GALNT13: variants seen among roughly 807,000 people sequenced by gnomAD.
GALNT13 encodes the protein polypeptide N-acetylgalactosaminyltransferase 13.
In GALNT13, 28 loss-of-function variants were observed where a neutral mutation model predicts 64.2. That is an observed-to-expected ratio of 0.44 (90% CI 0.32 to 0.60). The LOEUF (loss-of-function observed/expected upper bound fraction) is 0.60. Among genes scored for constraint, GALNT13 ranks in the 20% least tolerant of loss-of-function variants. The pLI is 0.05. For synonymous variants in GALNT13, 214 were observed against 224.6 expected, an observed-to-expected ratio of 0.95 and a Z score of 0.42; for missense variants, 577 against 669.8, an observed-to-expected ratio of 0.86 and a Z score of 1.53.
chr2:153,650,075 C>T, the GALNT13 span, among the ~76,000 whole-genome samples: 1 of 152,068 alleles, frequency 6.6e-6, no homozygotes, highest in Non-Finnish European at 1.5e-5. Flanking sequence ...GTTAAAGTTT[C>T]CCATTATTAT....
the GALNT13 span, among the ~76,000 whole-genome samples, chr2:153,461,850 G>A: frequency 1.3e-5 from 2 of 152,232 alleles, no homozygotes; most frequent in East Asian, 1.9e-4. Flanking sequence ...TTCGCATTTT[G>A]TGAGCTCCTA....
At chr2:153,249,108 C>T in the GALNT13 span, among the ~76,000 whole-genome samples, 516 of 152,324 alleles carry the variant, frequency 3.4e-3, 3 homozygotes, top group African/African-American at 0.012. Context: ...TTGCAGCTGA[C>T]ATAATTCCAT....
intron 3 of GALNT13, among the ~76,000 whole-genome samples, chr2:154,034,010 C>T (rs910142743): frequency 6.6e-6 from 1 of 152,040 alleles, no homozygotes; most frequent in African/African-American, 2.4e-5. Flanking sequence ...CTGGAGCCCT[C>T]AGACATTGCT....
chr2:154,350,260 G>A (rs547563291), intron 9 of GALNT13, among the ~76,000 whole-genome samples: 2 of 152,254 alleles, frequency 1.3e-5, no homozygotes, highest in Admixed American at 6.5e-5. Flanking sequence ...TGGACTGGGC[G>A]AGGCAGACCC....
At chr2:154,058,958 T>C (rs983065277) in intron 3 of GALNT13, among the ~76,000 whole-genome samples, 33 of 152,172 alleles carry the variant, frequency 2.2e-4, no homozygotes, top group African/African-American at 7.7e-4. Flanking sequence ...AAGGCTATTA[T>C]AGTAATCCAG....
intron 8 of GALNT13, among the ~76,000 whole-genome samples, chr2:154,260,211 C>T (rs1431434337): frequency 6.6e-6 from 1 of 152,018 alleles, no homozygotes; most frequent in African/African-American, 2.4e-5. Flanking sequence ...TGAAACATTC[C>T]ATCTTCGCCC....
At chr2:153,575,739 C>G in the GALNT13 span, among the ~76,000 whole-genome samples, 1 of 151,316 alleles carries the variant, frequency 6.6e-6, no homozygotes, top group Non-Finnish European at 1.5e-5. Context: ...GGGACTCACC[C>G]TTTGGGACAG....
At chr2:154,009,850 G>GTA (rs1407720730) in intron 3 of GALNT13, among the ~76,000 whole-genome samples, 4 of 152,124 alleles carry the variant, frequency 2.6e-5, no homozygotes, top group African/African-American at 9.7e-5. Context: ...GCAGGGTTTT[G>GTA]TAACGCTTGT....
At chr2:153,576,522 T>C in the GALNT13 span, among the ~76,000 whole-genome samples, 1 of 152,200 alleles carries the variant, frequency 6.6e-6, no homozygotes, top group African/African-American at 2.4e-5. Context: ...GTTTTCCTTT[T>C]TCCTCTATTA....
the GALNT13 span, among the ~76,000 whole-genome samples, chr2:153,383,023 ATAAT>A: frequency 1.3e-5 from 2 of 152,124 alleles, no homozygotes; most frequent in South Asian, 4.1e-4. Context: ...GAATATTTAA[ATAAT>A]TCTTTTTTAA....
chr2:153,878,225 G>C (rs1453538890), intron 1 of GALNT13, among the ~76,000 whole-genome samples: 1 of 152,102 alleles, frequency 6.6e-6, no homozygotes, highest in Non-Finnish European at 1.5e-5. Context: ...ATAAATAATA[G>C]TTATTTAAAG....
the GALNT13 span, among the ~76,000 whole-genome samples, chr2:153,759,213 T>C: frequency 2.6e-5 from 4 of 152,132 alleles, no homozygotes; most frequent in South Asian, 8.3e-4. Context: ...AGTCTTTAGG[T>C]TTTCATACAT....
chr2:153,080,690 C>G, the GALNT13 span, among the ~76,000 whole-genome samples: 1 of 152,044 alleles, frequency 6.6e-6, no homozygotes, highest in Non-Finnish European at 1.5e-5. Flanking sequence ...TCCGCTTGAT[C>G]TTTCTTGGAT....
the GALNT13 span, among the ~76,000 whole-genome samples, chr2:153,772,665 A>G: frequency 6.6e-6 from 1 of 152,138 alleles, no homozygotes; most frequent in Admixed American, 6.5e-5. Context: ...GGGGAAAAAA[A>G]GGTTTTATTA....
intron 8 of GALNT13, among the ~76,000 whole-genome samples, chr2:154,274,160 G>T (rs961518050): frequency 6.6e-6 from 1 of 152,014 alleles, no homozygotes; most frequent in Non-Finnish European, 1.5e-5. Flanking sequence ...GCAAGGTGTG[G>T]TTCTTGATTT....
intron 4 of GALNT13, among the ~76,000 whole-genome samples, chr2:154,147,943 G>A (rs1231171033): frequency 2.0e-5 from 3 of 150,144 alleles, no homozygotes; most frequent in Non-Finnish European, 4.4e-5. Context: ...TATACTTTAA[G>A]TTTTAGGGTA....
At chr2:154,264,466 CAAAAA>C (rs3078698) in intron 8 of GALNT13, among the ~76,000 whole-genome samples, 18 of 123,442 alleles carry the variant, frequency 1.5e-4, no homozygotes, top group Admixed American at 1.7e-4. Flanking sequence ...ACTAAAAATA[CAAAAA>C]AAAAAAAAAA....
the GALNT13 span, among the ~76,000 whole-genome samples, chr2:153,211,911 C>T: frequency 6.6e-6 from 1 of 152,170 alleles, no homozygotes; most frequent in Admixed American, 6.5e-5. Flanking sequence ...CAGAGAAAGA[C>T]ACAGTTACTT....
the GALNT13 span, among the ~76,000 whole-genome samples, chr2:153,233,282 A>G: frequency 6.6e-6 from 1 of 152,058 alleles, no homozygotes; most frequent in Non-Finnish European, 1.5e-5. Flanking sequence ...TCCTTTACAC[A>G]GGTCATATTC....
Sources: allele counts gnomAD v4.1 joint callset (sites outside exome capture counted in the v4.1 genomes callset), GRCh38; gene constraint gnomAD v4.1.1; transcripts MANE v1.5; gene names NCBI Gene and HGNC (gene_info 2026-07-23, HGNC 2026-07-21).